Variants in SV2B observed in about 807,000 individuals in gnomAD.
The protein encoded by SV2B is solute carrier family 22 member B2.
SV2B carries 41 observed loss-of-function variants against 73.9 expected under a neutral mutation model. The ratio of observed to expected loss-of-function variants is 0.56; its 90% CI spans 0.43 to 0.72. The LOEUF is 0.72. SV2B is among the 30% of genes least tolerant of loss of function. The pLI is 0.00. For missense variants in SV2B, 764 were observed against 857.8 expected, an observed-to-expected ratio of 0.89 and a Z score of 1.37; for synonymous variants, 314 against 314.2, an observed-to-expected ratio of 1.00 and a Z score of 0.01.
chr15:91,234,082 T>C lies in SV2B; in HGVS notation c.451+7368T>C, dbSNP rs1455633450. Among the ~76,000 whole-genome samples the C allele has an allele frequency of 6.6e-6, 1 of 152,232 alleles. No homozygotes were observed. ...GGAAAAAACTCTACTATTTGTTTCA[T>C]TGGTTGGCTGAAATGTAGACCAAAA... On this transcript the variant is annotated intron_variant, in intron 2 of 12. Coordinates refer to ENST00000394232, the MANE Select transcript of SV2B (RefSeq NM_001323032.3). The surrounding 1 kb of genome is among the most constrained non-coding windows in gnomAD (Gnocchi z 5.6).
In SV2B at chr15:91,224,589, G is replaced by A. The variant is rs755538223; in HGVS notation, c.-391-1284G>A. 6.6e-6 allele frequency among the ~76,000 whole-genome samples: 1 copy of A among 152,154 alleles called. No individual in the cohort carries two copies. Among genetic ancestry groups the A allele is most frequent in the Non-Finnish European group, 1.5e-5 (1 of 68,020 alleles). On this transcript the variant is annotated intron_variant, in intron 1 of 12. Coordinates refer to ENST00000394232, the MANE Select transcript of SV2B (RefSeq NM_001323032.3). This position sits in a 1 kb window ranked among gnomAD's most constrained non-coding sequence, Gnocchi z 4.9. Reference sequence around the variant, plus strand: ...AGGTGATTTAATGTGACAGTCCCTCGGGGTAGCATCTGGGAAGTATGAGGA... The same window carrying A: ...AGGTGATTTAATGTGACAGTCCCTCAGGGTAGCATCTGGGAAGTATGAGGA...
At position 91,121,065 on chromosome 15, in the gene SV2B, T is replaced by C. The variant is rs549324762; in HGVS notation, c.-392+20702T>C. On this transcript the variant is annotated intron_variant, in intron 1 of 12. Coordinates refer to ENST00000394232, the MANE Select transcript of SV2B (RefSeq NM_001323032.3). This position sits in a 1 kb window ranked among gnomAD's most constrained non-coding sequence, Gnocchi z 4.4. Reference sequence around the variant, plus strand: ...GATTTTTGCAAATTGTTTCCCATGGTTTAAGGTGGCAGAGAACTAGTCTTT... The same window carrying C: ...GATTTTTGCAAATTGTTTCCCATGGCTTAAGGTGGCAGAGAACTAGTCTTT... 1.3e-5 allele frequency among the ~76,000 whole-genome samples: 2 copies of C among 152,298 alleles called. No homozygotes were observed. The highest frequency in any genetic ancestry group is 3.9e-4 in the East Asian group (2 of 5,190).
rs377612931 is a variant in SV2B at position 91,258,267 on chromosome 15, G to A, written c.785-154G>A. Reference sequence around the variant, plus strand: ...CCTATCCCAGGCTTATGACTCAGAAGCTTCGGAGGCACAGCTGAGGAGTCT... The same window carrying A: ...CCTATCCCAGGCTTATGACTCAGAAACTTCGGAGGCACAGCTGAGGAGTCT... On this transcript the variant is annotated intron_variant, in intron 4 of 12. Coordinates refer to ENST00000394232, the MANE Select transcript of SV2B (RefSeq NM_001323032.3). This position sits in a 1 kb window ranked among gnomAD's most constrained non-coding sequence, Gnocchi z 4.7. Among the ~76,000 whole-genome samples, 2 of 152,198 alleles carry A rather than the reference G, an allele frequency of 1.3e-5. No homozygotes were observed. Among genetic ancestry groups the A allele is most frequent in the East Asian group, 3.9e-4 (2 of 5,190 alleles).
At chr15:91,218,936 C>T (rs2046125132) in intron 1 of SV2B, among the ~76,000 whole-genome samples, 1 of 151,948 alleles carries the variant, frequency 6.6e-6, no homozygotes, top group Non-Finnish European at 1.5e-5. Context: ...TTTGGGCTTG[C>T]TTTCTTTCTT....
At chr15:91,185,925 C>G (rs2044752898) in intron 1 of SV2B, among the ~76,000 whole-genome samples, 1 of 152,162 alleles carries the variant, frequency 6.6e-6, no homozygotes, top group Non-Finnish European at 1.5e-5. Flanking sequence ...ATCCATGTGT[C>G]CTGACATTGC....
chr15:91,111,862 AAG>A (rs374007807), intron 1 of SV2B, among the ~76,000 whole-genome samples: 1 of 151,618 alleles, frequency 6.6e-6, no homozygotes, highest in Non-Finnish European at 1.5e-5. Flanking sequence ...AAGCAGGAGC[AAG>A]AGAGAGAGAG....
chr15:91,130,504 TGA>T lies in SV2B; in HGVS notation c.-392+30156_-392+30157del, dbSNP rs1301045343. Among the ~76,000 whole-genome samples the T allele has an allele frequency of 5.3e-5, 8 of 149,630 alleles. No individual in the cohort carries two copies. The highest frequency in any genetic ancestry group is 2.0e-4 in the Admixed American group (3 of 15,034). ...GAAGTGGAGGGTAAGGAACAGGGAATGAGAGAGAGAGAGAGAAGCAGCTGCAT... is the reference window on the plus strand; with the variant it reads ...GAAGTGGAGGGTAAGGAACAGGGAATGAGAGAGAGAGAGAAGCAGCTGCAT... On this transcript the variant is annotated intron_variant, in intron 1 of 12. Coordinates refer to ENST00000394232, the MANE Select transcript of SV2B (RefSeq NM_001323032.3). The surrounding 1 kb of genome is among the most constrained non-coding windows in gnomAD (Gnocchi z 5.6).
intron 1 of SV2B, among the ~76,000 whole-genome samples, chr15:91,187,400 T>G (rs2044814891): frequency 6.6e-6 from 1 of 152,220 alleles, no homozygotes; most frequent in Admixed American, 6.5e-5. Flanking sequence ...CAAGAGAACA[T>G]TCCAACCAGC....
chr15:91,122,712 C>T lies in SV2B; in HGVS notation c.-392+22349C>T, dbSNP rs1446495850. 2.0e-5 allele frequency among the ~76,000 whole-genome samples: 3 copies of T among 152,194 alleles called. No individual in the cohort carries two copies. The highest frequency in any genetic ancestry group is 4.4e-5 in the Non-Finnish European group (3 of 68,044). On this transcript the variant is annotated intron_variant, in intron 1 of 12. Coordinates refer to ENST00000394232, the MANE Select transcript of SV2B (RefSeq NM_001323032.3). This position sits in a 1 kb window ranked among gnomAD's most constrained non-coding sequence, Gnocchi z 4.3. ...TCCAAGACATCTATTGAAATAAGAG[C>T]TTCATCCTGGAGGATATTACATTAA...
rs949115722 is a variant in SV2B, at chr15:91,284,976, G to A, written c.1708+755G>A. On this transcript the variant is annotated intron_variant, in intron 11 of 12. Coordinates refer to ENST00000394232, the MANE Select transcript of SV2B (RefSeq NM_001323032.3). The surrounding 1 kb of genome is among the most constrained non-coding windows in gnomAD (Gnocchi z 4.5). Reference sequence around the variant, plus strand: ...AAATGCACATTAGAATATGAGTCAAGGCCAGGGGTGGGGAAGTGGACAACA... The same window carrying A: ...AAATGCACATTAGAATATGAGTCAAAGCCAGGGGTGGGGAAGTGGACAACA... Among the ~76,000 whole-genome samples the A allele has an allele frequency of 1.3e-5, 2 of 152,194 alleles. No individual in the cohort carries two copies. The highest frequency in any genetic ancestry group is 4.8e-5 in the African/African-American group (2 of 41,440).
rs2042848682 is a variant in SV2B at position 91,136,977 on chromosome 15, T to G, written c.-392+36614T>G. On this transcript the variant is annotated intron_variant, in intron 1 of 12. Transcript: ENST00000394232. This position sits in a 1 kb window ranked among gnomAD's most constrained non-coding sequence, Gnocchi z 5.6. Reference sequence around the variant, plus strand: ...AACTATCTGCTCCTGAATGAAAATTTGATCCACGCAGAAGACAACCTGCAG... The same window carrying G: ...AACTATCTGCTCCTGAATGAAAATTGGATCCACGCAGAAGACAACCTGCAG... 6.6e-6 allele frequency among the ~76,000 whole-genome samples: 1 copy of G among 152,138 alleles called. No homozygotes were observed. Among genetic ancestry groups the G allele is most frequent in the Non-Finnish European group, 1.5e-5 (1 of 68,032 alleles).
At position 91,122,206 on chromosome 15, in the gene SV2B, A is replaced by G. The variant is rs2042359819; in HGVS notation, c.-392+21843A>G. On this transcript the variant is annotated intron_variant, in intron 1 of 12. Transcript: ENST00000394232. The surrounding 1 kb of genome is among the most constrained non-coding windows in gnomAD (Gnocchi z 4.3). ...TCAGCTACTAGAAATGTATTATCTC[A>G]TCGATATATGTTCCATTAAAGCCAG... Among the ~76,000 whole-genome samples, 1 of 152,170 alleles carries G rather than the reference A, an allele frequency of 6.6e-6. No homozygotes were observed. The highest frequency in any genetic ancestry group is 2.1e-4 in the South Asian group (1 of 4,824).
rs1205132402 is a variant in SV2B at position 91,136,836 on chromosome 15, C to A, written c.-392+36473C>A. Among the ~76,000 whole-genome samples, 2 of 152,070 alleles carry A rather than the reference C, an allele frequency of 1.3e-5. No homozygotes were observed. Among genetic ancestry groups the A allele is most frequent in the African/African-American group, 4.8e-5 (2 of 41,394 alleles). On this transcript the variant is annotated intron_variant, in intron 1 of 12. Coordinates refer to ENST00000394232, the MANE Select transcript of SV2B (RefSeq NM_001323032.3). The surrounding 1 kb of genome is among the most constrained non-coding windows in gnomAD (Gnocchi z 5.6). The stretch of plus-strand genomic sequence containing the variant: ...CCAGAGGTGGGTGGCAGTGATGAAA[C>A]AAGAGGGCAAGCAGCTTTGGCAGGA...
intron 11 of SV2B, among the ~76,000 whole-genome samples, chr15:91,286,346 TCTG>T (rs2048859510): frequency 1.3e-5 from 2 of 152,362 alleles, no homozygotes; most frequent in Admixed American, 6.5e-5. Flanking sequence ...TTCTGCTTAA[TCTG>T]CTGGGCTCTT....
At chr15:91,212,337 C>A (rs2045896712) in intron 1 of SV2B, among the ~76,000 whole-genome samples, 1 of 152,132 alleles carries the variant, frequency 6.6e-6, no homozygotes, top group Admixed American at 6.5e-5. Flanking sequence ...ATTAGCCGGC[C>A]CTCTGTTGTT....
chr15:91,261,592 G>A lies in SV2B; in HGVS notation c.1008+1183G>A, dbSNP rs569567204. Reference sequence around the variant, plus strand: ...TAGGAGTAGACTCCTAGAAATAAAAGTGCTGGCTCAGAGAGCTTGGATATT... The same window carrying A: ...TAGGAGTAGACTCCTAGAAATAAAAATGCTGGCTCAGAGAGCTTGGATATT... On this transcript the variant is annotated intron_variant, in intron 6 of 12. Coordinates refer to ENST00000394232, the MANE Select transcript of SV2B (RefSeq NM_001323032.3). This position sits in a 1 kb window ranked among gnomAD's most constrained non-coding sequence, Gnocchi z 4.7. Among the ~76,000 whole-genome samples the A allele has an allele frequency of 2.6e-4, 39 of 152,206 alleles. No homozygotes were observed. The highest frequency in any genetic ancestry group is 1.3e-3 in the Admixed American group (20 of 15,300).
At chr15:91,237,825 A>G (rs2046850218) in intron 2 of SV2B, among the ~76,000 whole-genome samples, 1 of 152,252 alleles carries the variant, frequency 6.6e-6, no homozygotes, top group Admixed American at 6.5e-5. Flanking sequence ...TATCTTCGGT[A>G]GCATGAAAAA....
chr15:91,176,006 A>C (rs981367425), intron 1 of SV2B, among the ~76,000 whole-genome samples: 3 of 151,960 alleles, frequency 2.0e-5, no homozygotes, highest in South Asian at 2.1e-4. Context: ...GTCATTTAGC[A>C]TTAGGTATAT....
intron 1 of SV2B, among the ~76,000 whole-genome samples, chr15:91,207,192 T>TC (rs2045675563): frequency 6.6e-6 from 1 of 151,068 alleles, no homozygotes; most frequent in Non-Finnish European, 1.5e-5. Flanking sequence ...TGGCTTTTTT[T>TC]TTTTTTTTTT....
Sources: allele counts gnomAD v4.1 joint callset (sites outside exome capture counted in the v4.1 genomes callset), GRCh38; gene constraint gnomAD v4.1.1; non-coding constraint Gnocchi (gnomAD v3.1); transcripts MANE v1.5; gene names NCBI Gene and HGNC (gene_info 2026-07-23, HGNC 2026-07-21).